NRXN3: variants seen among roughly 807,000 people sequenced by gnomAD.
NRXN3 encodes neurexin III.
A neutral mutation model predicts 137.6 loss-of-function variants in NRXN3; 32 were observed. The observed-to-expected ratio is 0.23, with a 90% CI of 0.18 to 0.31. The LOEUF (loss-of-function observed/expected upper bound fraction) is 0.31. NRXN3 is among the 10% of genes least tolerant of loss of function. The probability of loss-of-function intolerance (pLI) is 1.00; values close to 1 mark genes in which losing one functional copy is unlikely to be tolerated. For synonymous variants in NRXN3, 798 were observed against 784.5 expected, an observed-to-expected ratio of 1.02 and a Z score of -0.29; for missense variants, 1,574 against 2,062.5, an observed-to-expected ratio of 0.76 and a Z score of 4.59.
intron 4 of NRXN3, among the ~76,000 whole-genome samples, chr14:78,478,018 A>C (rs776361352): frequency 2.6e-5 from 4 of 152,204 alleles, no homozygotes; most frequent in Non-Finnish European, 5.9e-5. Flanking sequence ...TAGGCTCAAC[A>C]TAGTGACCGA....
chr14:79,304,512 G>A (rs2085704757), intron 15 of NRXN3, among the ~76,000 whole-genome samples: 2 of 151,972 alleles, frequency 1.3e-5, no homozygotes, highest in Non-Finnish European at 2.9e-5. Context: ...AGTGGTATGG[G>A]GATTCCAATG....
intron 15 of NRXN3, among the ~76,000 whole-genome samples, chr14:79,025,238 G>A (rs187054959): frequency 5.9e-5 from 9 of 152,160 alleles, no homozygotes; most frequent in Admixed American, 5.2e-4. Context: ...TGGTCCTCCA[G>A]ACTCCAAATA....
At chr14:79,162,696 A>G (rs1209149977) in intron 15 of NRXN3, among the ~76,000 whole-genome samples, 1 of 151,906 alleles carries the variant, frequency 6.6e-6, no homozygotes, top group Non-Finnish European at 1.5e-5. Flanking sequence ...AAGTCAGGAA[A>G]CAACAGGTGC....
intron 2 of NRXN3, among the ~76,000 whole-genome samples, chr14:78,247,804 A>C (rs551394771): frequency 6.6e-6 from 1 of 152,306 alleles, no homozygotes; most frequent in East Asian, 1.9e-4. Context: ...AAACTTGTTT[A>C]TTTTTAAAAC....
intron 4 of NRXN3, among the ~76,000 whole-genome samples, chr14:78,460,809 G>A (rs1275231346): frequency 3.6e-5 from 2 of 55,922 alleles, no homozygotes; most frequent in African/African-American, 6.5e-5. Context: ...ATGATATTGG[G>A]ATTTTTTTTT....
intron 16 of NRXN3, among the ~76,000 whole-genome samples, chr14:79,486,609 A>G (rs1358668983): frequency 6.6e-6 from 1 of 152,106 alleles, no homozygotes; most frequent in African/African-American, 2.4e-5. Flanking sequence ...TAGTTCAGAC[A>G]CTCATTTTAG....
chr14:79,132,931 T>C (rs6574495), intron 15 of NRXN3, among the ~76,000 whole-genome samples: 80,678 of 152,030 alleles, frequency 0.53, 23,086 homozygotes, highest in East Asian at 0.77. Flanking sequence ...GATGGCAAAG[T>C]CTTTCTACCC....
chr14:78,804,753 C>A (rs1028342751), intron 9 of NRXN3, among the ~76,000 whole-genome samples: 4 of 152,104 alleles, frequency 2.6e-5, no homozygotes, highest in Non-Finnish European at 5.9e-5. Context: ...AGATTGGGAT[C>A]CTCTTGGTTT....
intron 17 of NRXN3, among the ~76,000 whole-genome samples, chr14:79,685,235 C>T (rs1359694527): frequency 6.6e-6 from 1 of 152,042 alleles, no homozygotes; most frequent in Non-Finnish European, 1.5e-5. Context: ...TATACATTTC[C>T]TTTTAATTCT....
At chr14:78,586,987 G>A (rs2097070270) in intron 4 of NRXN3, among the ~76,000 whole-genome samples, 2 of 152,126 alleles carry the variant, frequency 1.3e-5, no homozygotes, top group Admixed American at 6.5e-5. Context: ...ACTGAGGCCC[G>A]GGACATTTTC....
chr14:78,434,771 G>T (rs924839466), intron 4 of NRXN3, among the ~76,000 whole-genome samples: 1 of 152,166 alleles, frequency 6.6e-6, no homozygotes, highest in East Asian at 1.9e-4. Flanking sequence ...AGGAGTGGGT[G>T]AAGGCCATGA....
intron 15 of NRXN3, among the ~76,000 whole-genome samples, chr14:79,402,054 C>G (rs969196295): frequency 9.9e-5 from 15 of 152,022 alleles, no homozygotes; most frequent in African/African-American, 3.6e-4. Context: ...GGAGCTAGGA[C>G]TACAGGCATG....
chr14:78,937,402 C>A (rs1035276403), intron 10 of NRXN3, among the ~76,000 whole-genome samples: 9 of 151,984 alleles, frequency 5.9e-5, no homozygotes, highest in African/African-American at 2.2e-4. Flanking sequence ...GTGTTGCATC[C>A]CTCTTTGAAA....
intron 15 of NRXN3, among the ~76,000 whole-genome samples, chr14:79,144,958 T>C (rs1295851946): frequency 2.0e-5 from 3 of 152,136 alleles, no homozygotes; most frequent in Non-Finnish European, 2.9e-5. Flanking sequence ...GAAATTTTTG[T>C]CATAAAACCT....
At chr14:78,370,359 C>T (rs952684490) in intron 4 of NRXN3, among the ~76,000 whole-genome samples, 1 of 151,114 alleles carries the variant, frequency 6.6e-6, no homozygotes, top group East Asian at 1.9e-4. Context: ...CTTGAGATGT[C>T]CTTTGGCCTC....
intron 14 of NRXN3, among the ~76,000 whole-genome samples, chr14:78,984,875 G>T (rs535240278): frequency 2.0e-5 from 3 of 152,298 alleles, no homozygotes; most frequent in South Asian, 2.1e-4. Flanking sequence ...GGAGGCAGGG[G>T]CTCCTAGGAG....
intron 10 of NRXN3, among the ~76,000 whole-genome samples, chr14:78,835,738 A>T (rs892855993): frequency 6.6e-6 from 1 of 152,044 alleles, no homozygotes; most frequent in African/African-American, 2.4e-5. Flanking sequence ...CAAGACTTTC[A>T]TTTGTCAAAG....
intron 15 of NRXN3, among the ~76,000 whole-genome samples, chr14:79,269,986 T>C (rs1211568449): frequency 4.6e-5 from 7 of 152,170 alleles, no homozygotes; most frequent in Non-Finnish European, 8.8e-5. Context: ...CAGAAGTGTA[T>C]TAGAATATTT....
At chr14:79,157,051 T>C (rs2060316395) in intron 15 of NRXN3, among the ~76,000 whole-genome samples, 1 of 151,822 alleles carries the variant, frequency 6.6e-6, no homozygotes, top group Admixed American at 6.6e-5. Context: ...TGTGATACTT[T>C]TCTGCTTATT....
Sources: gnomAD v4.1 joint callset for allele counts (sites outside exome capture counted in the v4.1 genomes callset) on GRCh38, gnomAD v4.1.1 for gene constraint, MANE v1.5 for transcripts, NCBI Gene and HGNC (gene_info 2026-07-23, HGNC 2026-07-21) for gene names.